Variants in STT3A observed in about 807,000 individuals in gnomAD.
The protein encoded by STT3A is dolichyl-diphosphooligosaccharide--protein glycosyltransferase subunit STT3A.
In STT3A, 34 loss-of-function variants were observed where a neutral mutation model predicts 89.2. That is an observed-to-expected ratio of 0.38 (90% confidence interval 0.29 to 0.51). The LOEUF (loss-of-function observed/expected upper bound fraction) is 0.51, where lower values mean the gene tolerates loss of function less well. Ranked by LOEUF, STT3A falls within the 20% of genes least tolerant of loss-of-function variation. The pLI is 0.89. For synonymous variants in STT3A, 282 were observed against 310.3 expected (o/e 0.91, Z 0.96); for missense variants, 555 against 889.5 (o/e 0.62, Z 4.78).
intron 5 of STT3A, chr11:125,603,406 T>C (rs1443760750): frequency 6.4e-6 from 1 of 155,700 alleles, no homozygotes; most frequent in Non-Finnish European, 1.4e-5. Flanking sequence ...TAATGCTGAC[T>C]CTGTTTTTCC....
At chr11:125,609,905 T>G in intron 10 of STT3A, 1 of 259,890 alleles carries the variant, frequency 3.8e-6, no homozygotes, top group Non-Finnish European at 7.3e-6. Flanking sequence ...CCTTCCCCTT[T>G]ACCCTTGTTT....
At chr11:125,601,795 TTTTA>T (rs1188953871) in intron 3 of STT3A, among the ~76,000 whole-genome samples, 2 of 151,412 alleles carry the variant, frequency 1.3e-5, no homozygotes, top group Non-Finnish European at 2.9e-5. Flanking sequence ...TTCATTTCCT[TTTTA>T]TTTATTTATT....
In STT3A at chr11:125,614,507, T is replaced by C. The variant is rs1940118370; in HGVS notation, c.1774+81T>C. On this transcript the variant is annotated intron_variant, in intron 15 of 17. Coordinates refer to ENST00000392708, the MANE Select transcript of STT3A (RefSeq NM_152713.5). This position sits in a 1 kb window ranked among gnomAD's most constrained non-coding sequence, Gnocchi z 4.9. ...TGAATATCCTAGTTTTCTGTACTTT[T>C]ACTAATATTTTACTAAGATATTTTT... 2 of 1,329,212 alleles carry C rather than the reference T, an allele frequency of 1.5e-6. No homozygotes were observed. Among genetic ancestry groups the C allele is most frequent in the Admixed American group, 2.1e-5 (1 of 47,188 alleles). The allele number at this position is 1,329,212 out of a possible 1,614,324, so 82.3% of individuals were successfully genotyped here. A position where few individuals can be genotyped will look rare whatever the true frequency, so the allele number is the denominator to read the frequency against.
intron 6 of STT3A, 29 bp from the exon 7 acceptor site, chr11:125,605,597 CTTG>C: frequency 6.5e-7 from 1 of 1,545,778 alleles, no homozygotes. Context: ...AGCCTGGCCT[CTTG>C]TTGAATTTTT....
In STT3A at chr11:125,613,212, G is replaced by A. The variant is rs1940079158; in HGVS notation, c.1554+35G>A. On this transcript the variant is annotated intron_variant, in intron 13 of 17. Coordinates refer to ENST00000392708, the MANE Select transcript of STT3A (RefSeq NM_152713.5). This position sits in a 1 kb window ranked among gnomAD's most constrained non-coding sequence, Gnocchi z 4.2. ...TGGGAGGGGTGGGAATTGTGGGTTA[G>A]GGGCAAAGGGGAAGACATTTGATGT... 1 of 1,606,058 alleles carries A rather than the reference G, an allele frequency of 6.2e-7. No individual in the cohort carries two copies.
chr11:125,594,730 T>G (rs987908109), intron 1 of STT3A: 2 of 152,212 alleles, frequency 1.3e-5, no homozygotes, highest in Non-Finnish European at 2.9e-5. Flanking sequence ...TCCCTCAACA[T>G]TTTAATCTAC....
At chr11:125,591,933 C>T (rs1939306693), upstream of STT3A, 1 of 157,754 alleles carries the variant, frequency 6.3e-6, no homozygotes, top group East Asian at 1.9e-4. Flanking sequence ...GCTCAAACTT[C>T]GTCCCCTTCT....
In STT3A at chr11:125,611,454, C is replaced by T; in HGVS notation, c.1144C>T (p.Leu382=). ...PVGLYYCFSN[L]SDARIFIIMY... is the part of the protein sequence containing the mutation. ...TGGCCTCTATTACTGCTTTAGCAAC[C>T]TGTCTGATGCCCGGATTTTTATCAT... The change falls in exon 11 of 18, where the codon CTG becomes TTG. Residue 382 remains leucine (L), a synonymous_variant. Transcript: ENST00000392708. 6.2e-7 allele frequency: 1 copy of T among 1,613,990 alleles called. No homozygotes were observed. The highest frequency in any genetic ancestry group is 1.1e-5 in the South Asian group (1 of 91,078).
At chr11:125,602,533 T>C (rs1939715742) in intron 4 of STT3A, 109 bp downstream of exon 4, 1 of 1,309,946 alleles carries the variant, frequency 7.6e-7, no homozygotes, top group Non-Finnish European at 1.0e-6. Flanking sequence ...ACACTTGTAA[T>C]TTCATCCTGA....
rs1420181329 is a variant in STT3A at position 125,622,393 on chromosome 11, ATTAT to A, written c.*1588_*1591del. On this transcript the variant is annotated 3_prime_UTR_variant, in exon 18 of 18. Coordinates refer to ENST00000392708, the MANE Select transcript of STT3A (RefSeq NM_152713.5). ...TCTTTAGTGGAAGAGGTTATTCTGA[ATTAT>A]TTATCAATATGATTAATACCAGTTA... is the stretch of plus-strand genomic sequence containing the variant. 2 of 152,220 alleles carry A rather than the reference ATTAT, an allele frequency of 1.3e-5. No homozygotes were observed. Among genetic ancestry groups the A allele is most frequent in the Non-Finnish European group, 2.9e-5 (2 of 68,042 alleles). The allele number at this position is 152,220 out of a possible 1,614,324, so 9.4% of individuals were successfully genotyped here. A position where few individuals can be genotyped will look rare whatever the true frequency, so the allele number is the denominator to read the frequency against.
At chr11:125,619,906 T>C (rs560423387) in intron 16 of STT3A, 105 bp from the exon 17 acceptor site, 1 of 971,582 alleles carries the variant, frequency 1.0e-6, no homozygotes, top group East Asian at 2.6e-5. Context: ...AATTGCAGGC[T>C]GAGGAATAAT....
In STT3A at chr11:125,620,830, T is replaced by TA; in HGVS notation, c.*21dup. ...ACATAAATGTCACGTCCAGCTCTGA[T>TA]ATGCTTCGCACTGAGCACATCACAT... On this transcript the variant is annotated 3_prime_UTR_variant, in exon 18 of 18. Transcript: ENST00000392708. 1 of 1,611,494 alleles carries TA rather than the reference T, an allele frequency of 6.2e-7. No homozygotes were observed. The highest frequency in any genetic ancestry group is 8.5e-7 in the Non-Finnish European group (1 of 1,177,836).
chr11:125,618,450 T>C lies in STT3A; in HGVS notation c.1852T>C (p.Tyr618His). The C allele has an allele frequency of 6.2e-6, 10 of 1,614,060 alleles. No homozygotes were observed. The highest frequency in any genetic ancestry group is 8.5e-6 in the Non-Finnish European group (10 of 1,180,002). ...CAAACATATCAAGGAGAATGACTAT[T>C]ATACTCCAACTGGGGAGTTCCGTGT... ...TGKHIKENDY[Y>H]TPTGEFRVDR... Residue 618 changes from tyrosine to histidine, a missense_variant, in exon 16 of 18, where the codon TAT becomes CAT. Tyr to His is a moderately conservative substitution (Grantham distance 83). Around this residue, in one of 5 missense-constraint regions of STT3A, gnomAD observed 273 missense variants for 449.8 expected, o/e 0.61. Coordinates refer to ENST00000392708, the MANE Select transcript of STT3A (RefSeq NM_152713.5).
At chr11:125,600,563 A>G (rs1015289611) in intron 3 of STT3A, among the ~76,000 whole-genome samples, 8 of 150,802 alleles carry the variant, frequency 5.3e-5, no homozygotes, top group African/African-American at 2.0e-4. Flanking sequence ...GGGTCTCTCT[A>G]TGTTGCCCAG....
rs2135940170 is a variant in STT3A, at chr11:125,613,822, C to T, written c.1555-265C>T. On this transcript the variant is annotated intron_variant, in intron 13 of 17. Coordinates refer to ENST00000392708, the MANE Select transcript of STT3A (RefSeq NM_152713.5). This position sits in a 1 kb window ranked among gnomAD's most constrained non-coding sequence, Gnocchi z 4.2. Reference sequence around the variant, plus strand: ...CTACATTGCACAGTCTCCCACACCTCCCACCCCATTATGTTAGTATAAAGT... The same window carrying T: ...CTACATTGCACAGTCTCCCACACCTTCCACCCCATTATGTTAGTATAAAGT... 2.5e-6 allele frequency: 1 copy of T among 394,912 alleles called. No individual in the cohort carries two copies. The highest frequency in any genetic ancestry group is 7.5e-4 in the Middle Eastern group (1 of 1,326). 24.5% of individuals were successfully genotyped at this position (394,912 alleles called of 1,614,324 possible). A position where few individuals can be genotyped will look rare whatever the true frequency, so the allele number is the denominator to read the frequency against.
chr11:125,605,840 A>T, intron 7 of STT3A, 105 bp downstream of exon 7: 1 of 957,380 alleles, frequency 1.0e-6, no homozygotes, highest in Non-Finnish European at 1.5e-6. Context: ...GTTCCCCTAA[A>T]TTTTTTTCTT....
chr11:125,616,540 G>A (rs1176986691), intron 15 of STT3A, among the ~76,000 whole-genome samples: 1 of 152,126 alleles, frequency 6.6e-6, no homozygotes, highest in Admixed American at 6.5e-5. Flanking sequence ...ATTATTCATT[G>A]GGCTTTACTA....
chr11:125,601,837 G>A (rs1436432930), intron 3 of STT3A, among the ~76,000 whole-genome samples: 1 of 151,662 alleles, frequency 6.6e-6, no homozygotes, highest in African/African-American at 2.4e-5. Flanking sequence ...GTCTTGCTCT[G>A]TTGCCCAGGC....
chr11:125,612,625 T>C lies in STT3A; in HGVS notation c.1243T>C (p.Cys415Arg). ...AATGCTAGTGTTGGCACCTGTTATGTGCATTCTCTCTGGCATTGGAGTCTC... is the reference window on the plus strand; with the variant it reads ...AATGCTAGTGTTGGCACCTGTTATGCGCATTCTCTCTGGCATTGGAGTCTC... ...RLMLVLAPVM[C>R]ILSGIGVSQV... Residue 415 changes from cysteine to arginine, a missense_variant, in exon 12 of 18, where the codon TGC (cysteine) becomes CGC (arginine). This residue lies in a region of STT3A where 273 missense variants were observed against 449.8 expected (regional missense o/e 0.61). Transcript: ENST00000392708. 6.2e-7 allele frequency: 1 copy of C among 1,614,222 alleles called. No homozygotes were observed. The highest frequency in any genetic ancestry group is 8.5e-7 in the Non-Finnish European group (1 of 1,180,052).
Sources: allele counts gnomAD v4.1 joint callset (sites outside exome capture counted in the v4.1 genomes callset), GRCh38; gene constraint gnomAD v4.1.1; regional missense constraint gnomAD v4.1.1; non-coding constraint Gnocchi (gnomAD v3.1); transcripts MANE v1.5; gene names NCBI Gene and HGNC (gene_info 2026-07-23, HGNC 2026-07-21).